Variants in DPYD observed in about 807,000 individuals in gnomAD.
The protein encoded by DPYD is dihydropyrimidine dehydrogenase [NADP(+)].
DPYD carries 109 observed loss-of-function variants against 116.2 expected under a neutral mutation model. The observed-to-expected ratio is 0.94, with a 90% CI of 0.80 to 1.10. The LOEUF (loss-of-function observed/expected upper bound fraction) is 1.10. DPYD is among the 50% of genes least tolerant of loss of function. The pLI, the probability that DPYD is intolerant of heterozygous loss-of-function variation, is 0.00. For missense variants in DPYD, 1,302 were observed against 1,254.5 expected, an observed-to-expected ratio of 1.04 and a Z score of -0.57; for synonymous variants, 440 against 432.0, an observed-to-expected ratio of 1.02 and a Z score of -0.23.
intron 13 of DPYD, among the ~76,000 whole-genome samples, chr1:97,503,738 T>G (rs1679726076): frequency 6.6e-6 from 1 of 151,898 alleles, no homozygotes; most frequent in Non-Finnish European, 1.5e-5. Context: ...TCTTGGAAGA[T>G]CTGAACTAAA....
chr1:97,089,916 C>G (rs777651727), intron 21 of DPYD, among the ~76,000 whole-genome samples: 3 of 149,820 alleles, frequency 2.0e-5, no homozygotes, highest in Non-Finnish European at 4.4e-5. Context: ...CTCAAGGACT[C>G]TCTAGTCCCT....
intron 7 of DPYD, 34 bp downstream of exon 7, chr1:97,691,683 G>A (rs991642327): frequency 6.4e-7 from 1 of 1,553,974 alleles, no homozygotes; most frequent in Non-Finnish European, 8.9e-7. Flanking sequence ...CTTTCTTTTT[G>A]AGCAGTACAC....
At chr1:97,083,040 G>C (rs1649272720) in intron 21 of DPYD, among the ~76,000 whole-genome samples, 1 of 152,042 alleles carries the variant, frequency 6.6e-6, no homozygotes, top group African/African-American at 2.4e-5. Context: ...TAATCGCTTA[G>C]GTTGATCCAA....
At chr1:97,614,557 T>C (rs1271372628) in intron 8 of DPYD, among the ~76,000 whole-genome samples, 7 of 152,088 alleles carry the variant, frequency 4.6e-5, no homozygotes. Context: ...TAGCTAATTA[T>C]TCACAGAGAT....
chr1:97,611,413 G>GT (rs1248016493), intron 8 of DPYD, among the ~76,000 whole-genome samples: 1 of 151,942 alleles, frequency 6.6e-6, no homozygotes, highest in Non-Finnish European at 1.5e-5. Flanking sequence ...GTGATAAACC[G>GT]TATCAGTGAG....
chr1:97,786,966 G>C (rs1309751796), intron 3 of DPYD, among the ~76,000 whole-genome samples: 1 of 152,040 alleles, frequency 6.6e-6, no homozygotes, highest in East Asian at 1.9e-4. Context: ...GTTAGCCATT[G>C]CTTCATATTT....
chr1:97,482,554 G>T (rs577870130), intron 13 of DPYD, among the ~76,000 whole-genome samples: 2 of 152,272 alleles, frequency 1.3e-5, no homozygotes, highest in African/African-American at 4.8e-5. Context: ...CATGGCTAAA[G>T]AACTTGTTTG....
At chr1:97,281,107 T>C (rs892378101) in intron 18 of DPYD, among the ~76,000 whole-genome samples, 1 of 151,870 alleles carries the variant, frequency 6.6e-6, no homozygotes, top group Non-Finnish European at 1.5e-5. Context: ...AAAAATAAGT[T>C]ACAGGTATGA....
chr1:97,139,499 T>G (rs999636116), intron 20 of DPYD, among the ~76,000 whole-genome samples: 1 of 152,202 alleles, frequency 6.6e-6, no homozygotes, highest in African/African-American at 2.4e-5. Flanking sequence ...ACCCCAAGAC[T>G]GGGTTCTATT....
intron 19 of DPYD, among the ~76,000 whole-genome samples, chr1:97,231,052 T>C (rs763459721): frequency 2.6e-4 from 39 of 152,234 alleles, no homozygotes; most frequent in Non-Finnish European, 5.3e-4. Flanking sequence ...GTACTCTATG[T>C]ATATTTACAT....
intron 12 of DPYD, among the ~76,000 whole-genome samples, chr1:97,530,852 C>T (rs899751257): frequency 6.6e-6 from 1 of 152,040 alleles, no homozygotes; most frequent in Non-Finnish European, 1.5e-5. Context: ...TTTTGATTTT[C>T]ATTTTCCTGA....
At chr1:97,452,348 A>G (rs1256837673) in intron 13 of DPYD, among the ~76,000 whole-genome samples, 1 of 152,190 alleles carries the variant, frequency 6.6e-6, no homozygotes, top group Non-Finnish European at 1.5e-5. Context: ...TATTTTGTTT[A>G]CTATTACATG....
At chr1:97,783,778 G>A (rs1168301280) in intron 3 of DPYD, among the ~76,000 whole-genome samples, 1 of 152,192 alleles carries the variant, frequency 6.6e-6, no homozygotes, top group Non-Finnish European at 1.5e-5. Flanking sequence ...TGCAGATTCG[G>A]AAGACAACTC....
intron 20 of DPYD, among the ~76,000 whole-genome samples, chr1:97,099,700 G>A (rs949465878): frequency 1.3e-5 from 2 of 152,012 alleles, no homozygotes; most frequent in African/African-American, 4.8e-5. Flanking sequence ...GCACTCGAAG[G>A]TCATCCTGAT....
intron 16 of DPYD, among the ~76,000 whole-genome samples, chr1:97,349,483 C>T (rs1293524554): frequency 6.6e-6 from 1 of 152,100 alleles, no homozygotes; most frequent in African/African-American, 2.4e-5. Context: ...TCTCCTAATG[C>T]TATCCCTCGC....
intron 5 of DPYD, among the ~76,000 whole-genome samples, chr1:97,713,429 A>G (rs900926481): frequency 5.3e-5 from 8 of 152,188 alleles, no homozygotes; most frequent in African/African-American, 1.9e-4. Flanking sequence ...CTAGATATTA[A>G]GATACAGTTT....
intron 12 of DPYD, among the ~76,000 whole-genome samples, chr1:97,533,448 A>T (rs1313543872): frequency 6.6e-6 from 1 of 152,228 alleles, no homozygotes; most frequent in East Asian, 1.9e-4. Context: ...TGTCAATCAA[A>T]AAGGTAACAA....
Position 97,234,924 on chromosome 1 carries a change from A to C in DPYD, c.2370T>G (p.Ile790Met). Residue 790 changes from isoleucine (I) to methionine (M), a missense_variant, in exon 19 of 23, where the codon ATT becomes ATG. Physicochemically the swap from Ile to Met is conservative, Grantham distance 10. Coordinates refer to ENST00000370192, the MANE Select transcript of DPYD (RefSeq NM_000110.4). ...CAGAGTCAATTCCACCAGTAGCCAA[A>C]ATGGGAAATCCAGGCAGAGCACGAG... ...SIARALPGFP[I>M]LATGGIDSAE... 1 of 1,614,112 alleles carries C rather than the reference A, an allele frequency of 6.2e-7. No individual in the cohort carries two copies. Among genetic ancestry groups the C allele is most frequent in the African/African-American group, 1.3e-5 (1 of 75,062 alleles).
At chr1:97,895,105 A>G (rs1672991330) in intron 1 of DPYD, among the ~76,000 whole-genome samples, 2 of 151,900 alleles carry the variant, frequency 1.3e-5, no homozygotes, top group Admixed American at 1.3e-4. Flanking sequence ...ATTCAAAACA[A>G]ATTAGTCAAT....
Sources: gnomAD v4.1 joint callset for allele counts (sites outside exome capture counted in the v4.1 genomes callset) on GRCh38, gnomAD v4.1.1 for gene constraint, MANE v1.5 for transcripts, NCBI Gene and HGNC (gene_info 2026-07-23, HGNC 2026-07-21) for gene names.